OBSL1: variants seen among roughly 807,000 people sequenced by gnomAD.
The protein encoded by OBSL1 is obscurin-like protein 1.
OBSL1 carries 160 observed loss-of-function variants against 172.0 expected under a neutral mutation model. That is an observed-to-expected ratio of 0.93 (90% CI 0.82 to 1.06). The LOEUF (loss-of-function observed/expected upper bound fraction) is 1.06. Ranked by LOEUF, OBSL1 falls within the 50% of genes least tolerant of loss-of-function variation. The probability of loss-of-function intolerance (pLI) is 0.00; values close to 1 mark genes in which losing one functional copy is unlikely to be tolerated. For missense variants in OBSL1, 2,681 were observed against 2,715.4 expected, an observed-to-expected ratio of 0.99 and a Z score of 0.28; for synonymous variants, 1,200 against 1,196.3, an observed-to-expected ratio of 1.00 and a Z score of -0.06.
rs1696526195 is a variant in OBSL1 at position 219,562,155 on chromosome 2, A to G, written c.2953+247T>C. ...TTTGCATTACTCACCTGCTACTCCCAGTGCCTGATTCAGGGAAAGTGCTCA... is the reference window on the plus strand; with the variant it reads ...TTTGCATTACTCACCTGCTACTCCCGGTGCCTGATTCAGGGAAAGTGCTCA... On this transcript the variant is annotated intron_variant, in intron 8 of 20. Coordinates refer to ENST00000404537, the MANE Select transcript of OBSL1 (RefSeq NM_015311.3). 14 of 656,778 alleles carry G rather than the reference A, an allele frequency of 2.1e-5. No homozygotes were observed. The East Asian group carries it at 3.5e-4, about 17-fold the overall frequency. The allele number at this position is 656,778 out of a possible 1,614,324, so 40.7% of individuals were successfully genotyped here. A position where few individuals can be genotyped will look rare whatever the true frequency, so the allele number is the denominator to read the frequency against.
Position 219,567,905 on chromosome 2 carries a change from T to C in OBSL1, c.1347A>G (p.Leu449=), listed in dbSNP as rs1445858479. 6.2e-7 allele frequency: 1 copy of C among 1,613,846 alleles called. No individual in the cohort carries two copies. The highest frequency in any genetic ancestry group is 8.5e-7 in the Non-Finnish European group (1 of 1,179,872). The change falls in exon 3 of 21, where the codon CTA becomes CTG. Residue 449 remains leucine, a synonymous_variant. Coordinates refer to ENST00000404537, the MANE Select transcript of OBSL1 (RefSeq NM_015311.3). Reference sequence around the variant, plus strand: ...CGACCCCGGCCTCTAGAGTTTCCACTAGCAGCACAGCATTCTCTCCTTCCA... The same window carrying C: ...CGACCCCGGCCTCTAGAGTTTCCACCAGCAGCACAGCATTCTCTCCTTCCA... ...DVLEGENAVL[L]VETLEAGVEG... is the part of the protein sequence containing the mutation.
chr2:219,560,382 A>T lies in OBSL1; in HGVS notation c.2954-885T>A, dbSNP rs1696369411. Among the ~76,000 whole-genome samples, 7 of 152,288 alleles carry T rather than the reference A, an allele frequency of 4.6e-5. No individual in the cohort carries two copies. In the South Asian group the frequency reaches 1.5e-3, roughly 32 times the overall value. On this transcript the variant is annotated intron_variant, in intron 8 of 20. Transcript: ENST00000404537. ...TCTGAGAGTTCCCCAGGGGTGCTAA[A>T]TGCTGATTCTGGGAGCTCATCTCCA...
In OBSL1 at chr2:219,559,068, T is replaced by C. The variant is rs567742453; in HGVS notation, c.3226+157A>G. ...CACCCTCCCACCAGGCCTCTGGTCCTGACCTGATGTGGCTAAGCAGGATTC... is the reference window on the plus strand; with the variant it reads ...CACCCTCCCACCAGGCCTCTGGTCCCGACCTGATGTGGCTAAGCAGGATTC... On this transcript the variant is annotated intron_variant, in intron 9 of 20. Coordinates refer to ENST00000404537, the MANE Select transcript of OBSL1 (RefSeq NM_015311.3). 24 of 678,620 alleles carry C rather than the reference T, an allele frequency of 3.5e-5. 1 individual carries two copies. The South Asian group carries it at 4.5e-4, about 13-fold the overall frequency. 42.0% of individuals were successfully genotyped at this position (678,620 alleles called of 1,614,324 possible).
rs1697313901 is a variant in OBSL1 at position 219,571,052 on chromosome 2, G to A, written c.181C>T (p.Pro61Ser). The change falls in exon 1 of 21, where the codon CCG becomes TCG. Residue 61 changes from proline (P) to serine (S), a missense_variant. Physicochemically the swap from Pro to Ser is moderately conservative, Grantham distance 74. Around this residue, in one of 5 missense-constraint regions of OBSL1, gnomAD observed 67 missense variants for 109.3 expected, o/e 0.61. Transcript: ENST00000404537. Reference sequence around the variant, plus strand: ...AGGCCGTGCTCCGCGCCGTCCGCCGGGAAGCTCAGGCGTTCCGAGGCCGCC... The same window carrying A: ...AGGCCGTGCTCCGCGCCGTCCGCCGAGAAGCTCAGGCGTTCCGAGGCCGCC... ...QLAASERLSF[P>S]ADGAEHGLLL... The A allele has an allele frequency of 1.4e-6, 2 of 1,460,958 alleles. No homozygotes were observed. Among genetic ancestry groups the A allele is most frequent in the Admixed American group, 2.4e-5 (1 of 41,740 alleles). The allele number at this position is 1,460,958 out of a possible 1,614,324, so 90.5% of individuals were successfully genotyped here.
At position 219,571,226 on chromosome 2, in the gene OBSL1, C is replaced by G; in HGVS notation, c.7G>C (p.Ala3Pro). The stretch of plus-strand genomic sequence containing the variant: ...GGGCTCCCCTGATCCCCCGAGCTCG[C>G]CTTCATCGCGGCGGCCGACCGCCTG... MK[A>P]SSGDQGSPPC... Residue 3 changes from alanine to proline, a missense_variant, in exon 1 of 21, where the codon GCG (alanine) becomes CCG (proline). Around this residue, in one of 5 missense-constraint regions of OBSL1, gnomAD observed 90 missense variants for 76.6 expected, o/e 1.18. Transcript: ENST00000404537. The G allele has an allele frequency of 7.5e-7, 1 of 1,340,350 alleles. No individual in the cohort carries two copies. The highest frequency in any genetic ancestry group is 9.6e-7 in the Non-Finnish European group (1 of 1,041,694). The allele number at this position is 1,340,350 out of a possible 1,614,324, so 83.0% of individuals were successfully genotyped here.
At chr2:219,549,920 C>T, downstream of OBSL1, 1 of 1,573,190 alleles carries the variant, frequency 6.4e-7, no homozygotes, top group Non-Finnish European at 8.7e-7. Context: ...TGCTAGGCTG[C>T]CACTCAGCCT....
intron 5 of OBSL1, among the ~76,000 whole-genome samples, chr2:219,566,204 G>A (rs367940955): frequency 1.3e-5 from 2 of 152,132 alleles, no homozygotes; most frequent in African/African-American, 4.8e-5. Flanking sequence ...ACATGGCGAA[G>A]CCCCATCTCT....
rs759991135 is a variant in OBSL1, at chr2:219,570,800, C to T, written c.433G>A (p.Val145Met). Residue 145 changes from valine to methionine, a missense_variant, in exon 1 of 21, where the codon GTG becomes ATG. This residue lies in a region of OBSL1 where 706 missense variants were observed against 695.8 expected (regional missense o/e 1.01). Coordinates refer to ENST00000404537, the MANE Select transcript of OBSL1 (RefSeq NM_015311.3). Reference sequence around the variant, plus strand: ...CCCCCCGCCCGGCACGTCAGCACCACCTCCGCCCCCCGCAGCACCCACTGG... The same window carrying T: ...CCCCCCGCCCGGCACGTCAGCACCATCTCCGCCCCCCGCAGCACCCACTGG... ...RSQWVLRGAE[V>M]VLTCRAGGLP... The T allele has an allele frequency of 2.0e-6, 3 of 1,492,170 alleles. No individual in the cohort carries two copies. The highest frequency in any genetic ancestry group is 1.8e-6 in the Non-Finnish European group (2 of 1,128,504). 92.4% of individuals were successfully genotyped at this position (1,492,170 alleles called of 1,614,324 possible). A position where few individuals can be genotyped will look rare whatever the true frequency, so the allele number is the denominator to read the frequency against.
chr2:219,554,445 C>G (rs1164453291), intron 15 of OBSL1, 29 bp downstream of exon 15: 1 of 1,608,956 alleles, frequency 6.2e-7, no homozygotes, highest in Admixed American at 1.7e-5. Flanking sequence ...CACAGGTCAG[C>G]AGGCAGGCTG....
At position 219,563,401 on chromosome 2, in the gene OBSL1, C is replaced by T. The variant is rs770252116; in HGVS notation, c.2634G>A (p.Gln878=). The part of the protein sequence containing the change: ...ATQPSDGGEF[Q]CVAGDECAYF... ...AGGCACACTCATCTCCAGCGACGCA[C>T]TGAAACTCGCCCCCGTCTGAGGGCT... Residue 878 remains glutamine (Q), a synonymous_variant, in exon 7 of 21, where the codon CAG becomes CAA. Transcript: ENST00000404537. 10 of 1,608,728 alleles carry T rather than the reference C, an allele frequency of 6.2e-6. No homozygotes were observed.
At chr2:219,560,034 C>T (rs1271326778) in intron 8 of OBSL1, among the ~76,000 whole-genome samples, 1 of 152,200 alleles carries the variant, frequency 6.6e-6, no homozygotes, top group African/African-American at 2.4e-5. Flanking sequence ...ATTTTGGAAC[C>T]ATGGATAAGG....
chr2:219,570,579 C>G lies in OBSL1; in HGVS notation c.654G>C (p.Ala218=), dbSNP rs1483789489. 1 of 1,531,144 alleles carries G rather than the reference C, an allele frequency of 6.5e-7. No homozygotes were observed. The highest frequency in any genetic ancestry group is 8.8e-7 in the Non-Finnish European group (1 of 1,142,570). The allele number at this position is 1,531,144 out of a possible 1,614,324, so 94.8% of individuals were successfully genotyped here. Residue 218 remains alanine (A), a synonymous_variant, in exon 1 of 21, where the codon GCG becomes GCC. Transcript: ENST00000404537. ...VCHARNAHGH[A]QAGALLQVHQ... is the part of the protein sequence containing the mutation. ...GCACCTGGAGCAGCGCCCCCGCCTGCGCGTGGCCGTGCGCGTTGCGGGCGT... is the reference window on the plus strand; with the variant it reads ...GCACCTGGAGCAGCGCCCCCGCCTGGGCGTGGCCGTGCGCGTTGCGGGCGT...
chr2:219,560,368 C>T (rs1445240979), intron 8 of OBSL1, among the ~76,000 whole-genome samples: 1 of 152,160 alleles, frequency 6.6e-6, no homozygotes, highest in Non-Finnish European at 1.5e-5. Flanking sequence ...CTGAGAGTTC[C>T]CCAGGGGTGC....
In OBSL1 at chr2:219,554,480, C is replaced by G. The variant is rs558700334; in HGVS notation, c.4870G>C (p.Val1624Leu). 392 of 1,612,994 alleles carry G rather than the reference C, an allele frequency of 2.4e-4. 12 individuals carry two copies. In the South Asian group the frequency reaches 4.2e-3, roughly 17 times the overall value. The change falls in exon 15 of 21, where the codon GTG becomes CTG. Residue 1624 changes from valine to leucine, a missense_variant. This residue lies in a region of OBSL1 where 1,765 missense variants were observed against 1,748.3 expected (regional missense o/e 1.01). Transcript: ENST00000404537. ...GTGGTCCTGGAGGCCACACCTCTCA[C>G]AATGAGTCTGGCTGCGCAGCGCAGG... ...DSLRCAARLI[V>L]REVPVTIVRG... is the part of the protein sequence containing the mutation.
At position 219,570,811 on chromosome 2, in the gene OBSL1, C is replaced by G. The variant is rs950561387; in HGVS notation, c.422G>C (p.Arg141Pro). 10 of 1,485,214 alleles carry G rather than the reference C, an allele frequency of 6.7e-6. No individual in the cohort carries two copies. The highest frequency in any genetic ancestry group is 2.9e-5 in the East Asian group (1 of 34,074). The allele number at this position is 1,485,214 out of a possible 1,614,324, so 92.0% of individuals were successfully genotyped here. Residue 141 changes from arginine (R) to proline (P), a missense_variant, in exon 1 of 21, where the codon CGG (arginine) becomes CCG (proline). Arg to Pro is a moderately radical substitution (Grantham distance 103). Transcript: ENST00000404537. ...LTGPRSQWVL[R>P]GAEVVLTCRA... ...GCACGTCAGCACCACCTCCGCCCCC[C>G]GCAGCACCCACTGGGATCGAGGCCC...
rs1696092325 is a variant in OBSL1 at position 219,557,345 on chromosome 2, TCC to T, written c.4062_4063del (p.Glu1355ArgfsTer21). On this transcript the variant is annotated frameshift_variant, in exon 12 of 21. Coordinates refer to ENST00000404537, the MANE Select transcript of OBSL1 (RefSeq NM_015311.3). LOFTEE classifies it high-confidence loss of function. ...GGGTGTGAGGGGTACACTGTTACCT[TCC>T]ACGCTGACAAGGAAGATGCGGCTGT... 5.4e-6 allele frequency: 8 copies of T among 1,494,796 alleles called. No individual in the cohort carries two copies. Among genetic ancestry groups the T allele is most frequent in the African/African-American group, 1.4e-5 (1 of 72,306 alleles). The allele number at this position is 1,494,796 out of a possible 1,614,324, so 92.6% of individuals were successfully genotyped here.
chr2:219,556,333 G>T, intron 13 of OBSL1, 41 bp from the exon 14 acceptor site: 1 of 1,568,832 alleles, frequency 6.4e-7, no homozygotes, highest in Admixed American at 1.7e-5. Context: ...GGTGGGGTTG[G>T]AGGCTGGCCC....
At chr2:219,562,380 G>C in intron 8 of OBSL1, 22 bp downstream of exon 8, 1 of 1,608,526 alleles carries the variant, frequency 6.2e-7, no homozygotes, top group Non-Finnish European at 8.5e-7. Flanking sequence ...TGTGACCCCG[G>C]GGAGCTGGGC....
At chr2:219,548,937 A>G (rs1695457511), downstream of OBSL1, 1 of 325,340 alleles carries the variant, frequency 3.1e-6, no homozygotes, top group Admixed American at 4.9e-5. Context: ...GAAGCCTAGC[A>G]ACCTTCCATA....
Sources: allele counts gnomAD v4.1 joint callset (sites outside exome capture counted in the v4.1 genomes callset), GRCh38; gene constraint gnomAD v4.1.1; regional missense constraint gnomAD v4.1.1; transcripts MANE v1.5; gene names NCBI Gene and HGNC (gene_info 2026-07-23, HGNC 2026-07-21).